Variants in NRXN1 observed in about 807,000 individuals in gnomAD.
NRXN1 encodes neurexin-1.
NRXN1 carries 39 observed loss-of-function variants against 150.9 expected under a neutral mutation model. The ratio of observed to expected loss-of-function variants is 0.26; its 90% CI spans 0.20 to 0.34. NRXN1 has a LOEUF of 0.34. Among genes scored for constraint, NRXN1 ranks in the 10% least tolerant of loss-of-function variants. NRXN1 has a pLI of 1.00. For synonymous variants in NRXN1, 924 were observed against 757.0 expected (o/e 1.22, Z -3.62); for missense variants, 1,815 against 1,949.9 (o/e 0.93, Z 1.30).
At chr2:50,372,813 A>C (rs1023711747) in intron 17 of NRXN1, among the ~76,000 whole-genome samples, 1 of 152,120 alleles carries the variant, frequency 6.6e-6, no homozygotes, top group Non-Finnish European at 1.5e-5. Context: ...TTGATTATTT[A>C]TACCAGCACT....
chr2:50,182,089 T>G lies in NRXN1; in HGVS notation c.3546+54700A>C, dbSNP rs539159725. ...TTTTGAAATATTTTTCATTGGTTAC[T>G]ACTTCTTAAAAATTCATTATCCTTT... On this transcript the variant is annotated intron_variant, in intron 18 of 22. Transcript: ENST00000401669. Among the ~76,000 whole-genome samples the G allele has an allele frequency of 1.0e-3, 152 of 149,994 alleles. 1 individual carries two copies. The Middle Eastern group carries it at 0.024, about 24-fold the overall frequency.
In NRXN1 at chr2:50,628,727, C is replaced by T. The variant is rs144946234; in HGVS notation, c.833-5112G>A. Among the ~76,000 whole-genome samples, 599 of 151,124 alleles carry T rather than the reference C, an allele frequency of 4.0e-3. 11 individuals carry two copies. Among genetic ancestry groups the T allele is most frequent in the Admixed American group, 0.025 (384 of 15,118 alleles). Reference sequence around the variant, plus strand: ...GCATTTCTACTATGTGCTAAAACAACGAAAATGAAAAAGAAATTAGACCCA... The same window carrying T: ...GCATTTCTACTATGTGCTAAAACAATGAAAATGAAAAAGAAATTAGACCCA... On this transcript the variant is annotated intron_variant, in intron 5 of 22. Coordinates refer to ENST00000401669, the MANE Select transcript of NRXN1 (RefSeq NM_001330078.2).
rs562906044 is a variant in NRXN1, at chr2:50,709,118, A to G, written c.833-85503T>C. Among the ~76,000 whole-genome samples, 4 of 152,312 alleles carry G rather than the reference A, an allele frequency of 2.6e-5. No individual in the cohort carries two copies. In the South Asian group the frequency reaches 8.3e-4, roughly 32 times the overall value. ...CCTCCTCACAGCACTGATGCCTCAC[A>G]GATGGCATCAGCTCGTACCACAGGC... On this transcript the variant is annotated intron_variant, in intron 5 of 22. Transcript: ENST00000401669.
intron 17 of NRXN1, among the ~76,000 whole-genome samples, chr2:50,320,328 A>ATGTGT (rs70946901): frequency 8.7e-6 from 1 of 115,334 alleles, no homozygotes; most frequent in African/African-American, 3.2e-5. Context: ...ATATATATAT[A>ATGTGT]GTATATGATT....
chr2:50,977,415 T>C (rs1453339139), intron 2 of NRXN1, among the ~76,000 whole-genome samples: 2 of 151,828 alleles, frequency 1.3e-5, no homozygotes, highest in Non-Finnish European at 2.9e-5. Flanking sequence ...TTCTGCATTA[T>C]ATATACTTTT....
At chr2:50,429,664 T>C (rs1035533525) in intron 17 of NRXN1, among the ~76,000 whole-genome samples, 1 of 152,166 alleles carries the variant, frequency 6.6e-6, no homozygotes, top group Admixed American at 6.5e-5. Context: ...TATCTTTTTT[T>C]ACAAAAAAAT....
rs77586574 is a variant in NRXN1, at chr2:50,885,397, A to C, written c.832+36472T>G. Among the ~76,000 whole-genome samples, 35 of 149,114 alleles carry C rather than the reference A, an allele frequency of 2.3e-4. 1 individual carries two copies. The highest frequency in any genetic ancestry group is 1.9e-3 in the Admixed American group (28 of 14,844). ...TAACCATAAACTACCAAAAAAAAAA[A>C]CCCACAAGTGATATCACTGTTGCTA... On this transcript the variant is annotated intron_variant, in intron 5 of 22. Transcript: ENST00000401669.
In NRXN1 at chr2:50,594,529, CAT is replaced by C. The variant is rs572574845; in HGVS notation, c.1320+25491_1320+25492del. Among the ~76,000 whole-genome samples the C allele has an allele frequency of 4.3e-4, 65 of 152,214 alleles. 1 individual carries two copies. Among genetic ancestry groups the C allele is most frequent in the South Asian group, 3.3e-3 (16 of 4,830 alleles). On this transcript the variant is annotated intron_variant, in intron 8 of 22. Coordinates refer to ENST00000401669, the MANE Select transcript of NRXN1 (RefSeq NM_001330078.2). ...AAGACCTCCTGATAACTTTATTACA[CAT>C]GATAACGTGTGCTAGGCTAAGAGAG...
intron 8 of NRXN1, chr2:50,616,091 T>G (rs1049411022): frequency 6.6e-6 from 1 of 152,178 alleles, no homozygotes; most frequent in Non-Finnish European, 1.5e-5. Context: ...TTAACTCTTT[T>G]TTTTCAAATT....
At chr2:49,996,703 G>A (rs1029190658) in intron 21 of NRXN1, among the ~76,000 whole-genome samples, 1 of 152,108 alleles carries the variant, frequency 6.6e-6, no homozygotes, top group Non-Finnish European at 1.5e-5. Flanking sequence ...GTGGCTTCTA[G>A]AAAATGAAAA....
chr2:50,834,881 C>T (rs1237861371), intron 5 of NRXN1, among the ~76,000 whole-genome samples: 6 of 152,140 alleles, frequency 3.9e-5, no homozygotes, highest in Non-Finnish European at 8.8e-5. Flanking sequence ...ACCAGAGAGA[C>T]AGTCCCTCAC....
At chr2:49,935,151 G>T (rs934851979) in intron 22 of NRXN1, among the ~76,000 whole-genome samples, 6 of 152,114 alleles carry the variant, frequency 3.9e-5, no homozygotes, top group Non-Finnish European at 8.8e-5. Context: ...TAGATGCATT[G>T]TCTCATTTTT....
chr2:50,557,992 A>G (rs1236397845), intron 8 of NRXN1, among the ~76,000 whole-genome samples: 1 of 152,150 alleles, frequency 6.6e-6, no homozygotes, highest in Non-Finnish European at 1.5e-5. Context: ...CAGGCTAGCT[A>G]ACCTAGGAGT....
intron 17 of NRXN1, among the ~76,000 whole-genome samples, chr2:50,356,156 C>T (rs899790912): frequency 2.0e-5 from 3 of 151,854 alleles, no homozygotes; most frequent in African/African-American, 7.3e-5. Flanking sequence ...AAATTCTTAA[C>T]TGTAGGGTTT....
At chr2:50,713,244 G>A (rs1294132639) in intron 5 of NRXN1, among the ~76,000 whole-genome samples, 1 of 151,568 alleles carries the variant, frequency 6.6e-6, no homozygotes, top group Non-Finnish European at 1.5e-5. Flanking sequence ...AACCTGGGAA[G>A]CAGAGGTTGC....
chr2:50,371,522 T>C (rs557773559), intron 17 of NRXN1, among the ~76,000 whole-genome samples: 1 of 152,038 alleles, frequency 6.6e-6, no homozygotes, highest in Non-Finnish European at 1.5e-5. Flanking sequence ...ATTATGGGGA[T>C]TATGTGGTCA....
chr2:50,508,135 G>C (rs1327415222), intron 12 of NRXN1, among the ~76,000 whole-genome samples: 1 of 152,072 alleles, frequency 6.6e-6, no homozygotes, highest in African/African-American at 2.4e-5. Flanking sequence ...CTCTCTTATG[G>C]TGCTACTAAT....
chr2:50,612,180 C>T (rs1255089496), intron 8 of NRXN1, among the ~76,000 whole-genome samples: 1 of 152,100 alleles, frequency 6.6e-6, no homozygotes, highest in East Asian at 1.9e-4. Context: ...AGTTACTTCA[C>T]TTTTCCTATC....
At chr2:50,343,914 T>C (rs2152995005) in intron 17 of NRXN1, among the ~76,000 whole-genome samples, 1 of 152,368 alleles carries the variant, frequency 6.6e-6, no homozygotes, top group Middle Eastern at 3.4e-3. Flanking sequence ...AGTTCATTTG[T>C]TCATCTAGCC....
Sources: gnomAD v4.1 joint callset for allele counts (sites outside exome capture counted in the v4.1 genomes callset) on GRCh38, gnomAD v4.1.1 for gene constraint, MANE v1.5 for transcripts, NCBI Gene and HGNC (gene_info 2026-07-23, HGNC 2026-07-21) for gene names.